Variants in UTRN observed in about 807,000 individuals in gnomAD.
UTRN encodes dystrophin-related protein 1.
In UTRN, 283 loss-of-function variants were observed where a neutral mutation model predicts 463.9. The observed-to-expected ratio is 0.61, with a 90% CI of 0.55 to 0.67. The LOEUF (loss-of-function observed/expected upper bound fraction) is 0.67. Ranked by LOEUF, UTRN falls within the 30% of genes least tolerant of loss-of-function variation. The pLI is 0.00. For synonymous variants in UTRN, 1,442 were observed against 1,431.5 expected, an observed-to-expected ratio of 1.01 and a Z score of -0.17; for missense variants, 3,922 against 4,084.3, an observed-to-expected ratio of 0.96 and a Z score of 1.08.
intron 15 of UTRN, 65 bp downstream of exon 15, chr6:144,447,383 T>C: frequency 1.3e-6 from 2 of 1,500,654 alleles, no homozygotes; most frequent in Non-Finnish European, 1.8e-6. Context: ...TTATAGCTAA[T>C]GGTTAGTAGA....
intron 39 of UTRN, 44 bp from the exon 40 acceptor site, chr6:144,521,936 G>T (rs756946798): frequency 1.4e-4 from 121 of 841,906 alleles, no homozygotes; most frequent in African/African-American, 3.3e-4. Context: ...TATTTTAAGA[G>T]ATATATATAT....
chr6:144,820,362 G>T (rs534754718), intron 65 of UTRN, among the ~76,000 whole-genome samples: 1 of 152,230 alleles, frequency 6.6e-6, no homozygotes, highest in South Asian at 2.1e-4. Flanking sequence ...CACCAATGTG[G>T]CCCTGCTCTT....
intron 43 of UTRN, among the ~76,000 whole-genome samples, chr6:144,534,799 A>T (rs1036743434): frequency 6.6e-6 from 1 of 152,206 alleles, no homozygotes; most frequent in East Asian, 1.9e-4. Flanking sequence ...TGCGCTGTGG[A>T]ATTTAAGTGT....
intron 2 of UTRN, among the ~76,000 whole-genome samples, chr6:144,369,455 A>G (rs2114707534): frequency 6.6e-6 from 1 of 152,326 alleles, no homozygotes; most frequent in South Asian, 2.1e-4. Flanking sequence ...CGTCTTTACT[A>G]AAAATACAAA....
At chr6:144,478,920 T>C (rs1404469749) in intron 25 of UTRN, among the ~76,000 whole-genome samples, 4 of 152,202 alleles carry the variant, frequency 2.6e-5, no homozygotes, top group Non-Finnish European at 5.9e-5. Context: ...CAGACAACTA[T>C]CTATTTTTTA....
chr6:144,785,033 G>C (rs780031281), intron 61 of UTRN, among the ~76,000 whole-genome samples: 1 of 152,154 alleles, frequency 6.6e-6, no homozygotes, highest in Non-Finnish European at 1.5e-5. Context: ...GGTTGCCCAG[G>C]TTTCTCTAAC....
chr6:144,392,605 A>G (rs1460091369), intron 2 of UTRN, among the ~76,000 whole-genome samples: 2 of 152,198 alleles, frequency 1.3e-5, no homozygotes, highest in African/African-American at 2.4e-5. Context: ...ATGCCTTTGT[A>G]GTGGTCCACT....
chr6:144,388,021 T>C (rs2114756191), intron 2 of UTRN, among the ~76,000 whole-genome samples: 1 of 152,328 alleles, frequency 6.6e-6, no homozygotes, highest in East Asian at 1.9e-4. Flanking sequence ...ATACACCTTT[T>C]ACAAGATGGG....
chr6:144,298,507 G>T (rs1049934964), intron 2 of UTRN, among the ~76,000 whole-genome samples: 15 of 152,160 alleles, frequency 9.9e-5, no homozygotes, highest in Non-Finnish European at 2.2e-4. Flanking sequence ...GGAAATGTCT[G>T]TGTATGCGCA....
intron 2 of UTRN, among the ~76,000 whole-genome samples, chr6:144,352,362 C>G (rs1014173769): frequency 6.6e-6 from 1 of 152,228 alleles, no homozygotes; most frequent in South Asian, 2.1e-4. Context: ...TATATTTTAC[C>G]TTTGCCCATG....
chr6:144,676,398 T>C (rs1191398556), intron 51 of UTRN, among the ~76,000 whole-genome samples: 1 of 152,172 alleles, frequency 6.6e-6, no homozygotes, highest in Non-Finnish European at 1.5e-5. Context: ...CACTTAAATA[T>C]GTGCATAAAG....
At chr6:144,695,330 G>C (rs1053660570) in intron 52 of UTRN, among the ~76,000 whole-genome samples, 7 of 151,630 alleles carry the variant, frequency 4.6e-5, no homozygotes, top group Non-Finnish European at 1.0e-4. Context: ...ATTCTCTTTG[G>C]ATAGCCATGA....
At chr6:144,318,813 G>A (rs1407822651) in intron 2 of UTRN, among the ~76,000 whole-genome samples, 1 of 152,024 alleles carries the variant, frequency 6.6e-6, no homozygotes, top group African/African-American at 2.4e-5. Flanking sequence ...GCTCATACCT[G>A]TAATCCCAGC....
chr6:144,546,169 A>G (rs1798387077), intron 46 of UTRN, among the ~76,000 whole-genome samples: 1 of 152,216 alleles, frequency 6.6e-6, no homozygotes, highest in South Asian at 2.1e-4. Context: ...GTGTATATCT[A>G]GTGATGGAAT....
chr6:144,634,194 A>C (rs1048577473), intron 51 of UTRN, among the ~76,000 whole-genome samples: 1 of 152,270 alleles, frequency 6.6e-6, no homozygotes, highest in East Asian at 1.9e-4. Flanking sequence ...TCAGGATTTT[A>C]GAGCCCAGTA....
chr6:144,826,478 C>G (rs1780196405), intron 66 of UTRN, among the ~76,000 whole-genome samples: 1 of 152,042 alleles, frequency 6.6e-6, no homozygotes, highest in African/African-American at 2.4e-5. Flanking sequence ...CATTCATTTA[C>G]TCTCCTTCCT....
At chr6:144,773,878 A>G (rs1775073578) in intron 59 of UTRN, among the ~76,000 whole-genome samples, 1 of 152,158 alleles carries the variant, frequency 6.6e-6, no homozygotes, top group Admixed American at 6.5e-5. Context: ...GAGAAGTTCT[A>G]GTTTTCATGA....
At chr6:144,815,905 AAATG>A (rs1415083859) in intron 65 of UTRN, among the ~76,000 whole-genome samples, 1 of 152,026 alleles carries the variant, frequency 6.6e-6, no homozygotes, top group Non-Finnish European at 1.5e-5. Flanking sequence ...AATAAATGAA[AAATG>A]AATGATAGAA....
chr6:144,548,389 A>C (rs1378029650), intron 46 of UTRN, among the ~76,000 whole-genome samples: 1 of 152,132 alleles, frequency 6.6e-6, no homozygotes, highest in Non-Finnish European at 1.5e-5. Context: ...TGTACTTTTA[A>C]TTTTTCTCAG....
Sources: gnomAD v4.1 joint callset for allele counts (sites outside exome capture counted in the v4.1 genomes callset) on GRCh38, gnomAD v4.1.1 for gene constraint, MANE v1.5 for transcripts, NCBI Gene and HGNC (gene_info 2026-07-23, HGNC 2026-07-21) for gene names.